Variants in PSPC1 observed in about 807,000 individuals in gnomAD.
PSPC1 encodes the protein paraspeckle component 1.
Under a neutral mutation model 51.6 loss-of-function variants are expected in PSPC1, and 14 were observed. The observed-to-expected ratio is 0.27, with a 90% confidence interval of 0.18 to 0.42. The LOEUF is 0.42. Ranked by LOEUF, PSPC1 falls within the 10% of genes least tolerant of loss-of-function variation. The pLI is 1.00. For synonymous variants in PSPC1, 193 were observed against 231.9 expected, an observed-to-expected ratio of 0.83 and a Z score of 1.53; for missense variants, 406 against 701.1, an observed-to-expected ratio of 0.58 and a Z score of 4.75.
chr13:19,754,409 T>A (rs1164210331), intron 3 of PSPC1, among the ~76,000 whole-genome samples: 1 of 150,090 alleles, frequency 6.7e-6, no homozygotes, highest in Non-Finnish European at 1.5e-5. Flanking sequence ...CTTCTGTGAA[T>A]AAATCTAAAT....
Position 19,736,483 on chromosome 13 carries a change from A to T in PSPC1, c.1052+5082T>A, listed in dbSNP as rs563379236. Among the ~76,000 whole-genome samples, 200 of 152,130 alleles carry T rather than the reference A, an allele frequency of 1.3e-3. 1 individual carries two copies. Among genetic ancestry groups the T allele is most frequent in the African/African-American group, 4.7e-3 (195 of 41,516 alleles). On this transcript the variant is annotated intron_variant, in intron 5 of 8. Transcript: ENST00000338910. ...CGGATCACAAGGTCAGCAGATCGAG[A>T]CCATCCTGGCTAACACAGTGAAACC...
chr13:19,700,317 T>C (rs1297412914), downstream of PSPC1, among the ~76,000 whole-genome samples: 2 of 152,142 alleles, frequency 1.3e-5, no homozygotes, highest in Non-Finnish European at 2.9e-5. Flanking sequence ...TCAGTCACTG[T>C]CCTTGTTTAC....
intron 6 of PSPC1, among the ~76,000 whole-genome samples, chr13:19,694,122 CAAAAAAAAAA>C (rs71092389): frequency 1.1e-4 from 5 of 47,474 alleles, no homozygotes; most frequent in South Asian, 1.2e-3. Context: ...GACTCCATCT[CAAAAAAAAAA>C]AAAAAAAAAA....
At chr13:19,746,071 TC>T (rs1262061781) in intron 4 of PSPC1, among the ~76,000 whole-genome samples, 1 of 148,908 alleles carries the variant, frequency 6.7e-6, no homozygotes, top group Non-Finnish European at 1.5e-5. Flanking sequence ...GGTGGTGCGA[TC>T]TTGGCTCACT....
At chr13:19,744,502 T>C (rs1885751790) in intron 4 of PSPC1, among the ~76,000 whole-genome samples, 1 of 152,206 alleles carries the variant, frequency 6.6e-6, no homozygotes, top group Non-Finnish European at 1.5e-5. Flanking sequence ...TACACTGCCA[T>C]GATAATATCT....
chr13:19,717,235 C>T (rs1033516988), intron 6 of PSPC1, among the ~76,000 whole-genome samples: 7 of 152,026 alleles, frequency 4.6e-5, no homozygotes, highest in East Asian at 1.9e-4. Flanking sequence ...TATTAAGATA[C>T]TGAACAATAT....
chr13:19,717,648 A>C (rs1473728466), intron 6 of PSPC1, among the ~76,000 whole-genome samples: 1 of 150,006 alleles, frequency 6.7e-6, no homozygotes. Context: ...GGAGGCTGCA[A>C]TGAGCCATGA....
intron 8 of PSPC1, among the ~76,000 whole-genome samples, chr13:19,704,900 A>G (rs1880452811): frequency 1.3e-5 from 2 of 152,344 alleles, no homozygotes; most frequent in South Asian, 4.1e-4. Context: ...GAAATACACA[A>G]AAACTTTAAT....
At chr13:19,733,175 G>C (rs991632268) in intron 5 of PSPC1, among the ~76,000 whole-genome samples, 2 of 152,140 alleles carry the variant, frequency 1.3e-5, no homozygotes, top group African/African-American at 4.8e-5. Context: ...ACATTAATCA[G>C]TTATAAATGG....
intron 6 of PSPC1, among the ~76,000 whole-genome samples, chr13:19,723,320 G>T (rs773572867): frequency 1.3e-5 from 2 of 152,146 alleles, no homozygotes; most frequent in African/African-American, 2.4e-5. Context: ...AGTGTCCTCT[G>T]ATGAAGTGTG....
At chr13:19,769,285 G>A (rs1337939426) in intron 2 of PSPC1, among the ~76,000 whole-genome samples, 2 of 151,824 alleles carry the variant, frequency 1.3e-5, no homozygotes, top group Non-Finnish European at 2.9e-5. Context: ...GCCGGGCGCA[G>A]TGGCTCACGC....
At chr13:19,779,769 T>G (rs1593797450) in intron 1 of PSPC1, among the ~76,000 whole-genome samples, 1 of 66,714 alleles carries the variant, frequency 1.5e-5, no homozygotes, top group Non-Finnish European at 2.9e-5. Context: ...AGCCGGCCCG[T>G]CTGGGAGGTG....
intron 5 of PSPC1, among the ~76,000 whole-genome samples, chr13:19,741,185 G>C (rs1885401389): frequency 6.6e-6 from 1 of 152,000 alleles, no homozygotes; most frequent in Admixed American, 6.6e-5. Context: ...CAGAAATCTT[G>C]TTTAAAGATT....
At chr13:19,735,485 C>T (rs577339346) in intron 5 of PSPC1, among the ~76,000 whole-genome samples, 9 of 152,296 alleles carry the variant, frequency 5.9e-5, no homozygotes, top group African/African-American at 2.2e-4. Flanking sequence ...CCTGCCACAA[C>T]CTCTGAAGAA....
intron 6 of PSPC1, among the ~76,000 whole-genome samples, chr13:19,693,107 C>T (rs987822067): frequency 5.9e-5 from 9 of 152,170 alleles, no homozygotes; most frequent in African/African-American, 1.7e-4. Flanking sequence ...CCAGTCTTAG[C>T]GTCCTCCCCT....
chr13:19,708,936 G>A (rs1881047466), intron 7 of PSPC1, among the ~76,000 whole-genome samples: 1 of 152,038 alleles, frequency 6.6e-6, no homozygotes, highest in Non-Finnish European at 1.5e-5. Context: ...GCTGATGGGG[G>A]TAAACTGCTT....
At chr13:19,777,573 T>C (rs1347877252) in intron 1 of PSPC1, among the ~76,000 whole-genome samples, 3 of 152,166 alleles carry the variant, frequency 2.0e-5, no homozygotes, top group African/African-American at 7.2e-5. Flanking sequence ...TAAGGAAATT[T>C]CCATATTTCA....
intron 6 of PSPC1, among the ~76,000 whole-genome samples, chr13:19,725,437 T>C (rs1233393513): frequency 6.6e-6 from 1 of 152,186 alleles, no homozygotes; most frequent in African/African-American, 2.4e-5. Flanking sequence ...TTTGGTAATA[T>C]GAGCCACTTT....
At chr13:19,753,072 G>C (rs1444508366) in intron 3 of PSPC1, among the ~76,000 whole-genome samples, 1 of 151,356 alleles carries the variant, frequency 6.6e-6, no homozygotes, top group African/African-American at 2.4e-5. Context: ...CACAACACCA[G>C]GAGTTCAAGA....
Sources: allele counts gnomAD v4.1 joint callset (sites outside exome capture counted in the v4.1 genomes callset), GRCh38; gene constraint gnomAD v4.1.1; transcripts MANE v1.5; gene names NCBI Gene and HGNC (gene_info 2026-07-23, HGNC 2026-07-21).